The following LCP2 variants were observed in gnomAD, a reference collection of about 807,000 sequenced individuals.
LCP2 encodes lymphocyte cytosolic protein 2, also known as 76 kDa tyrosine phosphoprotein.
Under a neutral mutation model 74.5 loss-of-function variants are expected in LCP2, and 29 were observed. The ratio of observed to expected loss-of-function variants is 0.39; its 90% confidence interval spans 0.29 to 0.53. LCP2 has a LOEUF of 0.53. LCP2 is among the 20% of genes least tolerant of loss of function. The pLI is 0.72. For synonymous variants in LCP2, 228 were observed against 229.5 expected (o/e 0.99, Z 0.06); for missense variants, 604 against 634.6 (o/e 0.95, Z 0.52).
At chr5:170,294,379 G>A (rs942046437) in intron 1 of LCP2, among the ~76,000 whole-genome samples, 4 of 152,258 alleles carry the variant, frequency 2.6e-5, no homozygotes, top group Admixed American at 6.5e-5. Context: ...TAAGATCTTG[G>A]TTATTTTCCT....
chr5:170,263,114 T>C (rs1319933841), intron 10 of LCP2, 122 bp from the exon 11 acceptor site: 2 of 1,176,734 alleles, frequency 1.7e-6, no homozygotes, highest in Admixed American at 2.5e-5. Context: ...GTTTAAGCAT[T>C]AAAGAATCAG....
At chr5:170,283,684 G>A (rs557830456) in intron 3 of LCP2, among the ~76,000 whole-genome samples, 111 of 152,140 alleles carry the variant, frequency 7.3e-4, no homozygotes, top group African/African-American at 2.6e-3. Context: ...TAAATTGAGG[G>A]ACACACCCCA....
intron 17 of LCP2, among the ~76,000 whole-genome samples, chr5:170,255,424 G>A (rs1184645312): frequency 6.6e-6 from 1 of 152,118 alleles, no homozygotes; most frequent in Admixed American, 6.5e-5. Context: ...CACTGCATGT[G>A]GAACATGACT....
intron 3 of LCP2, among the ~76,000 whole-genome samples, chr5:170,279,351 A>G (rs1165339382): frequency 6.6e-6 from 1 of 152,176 alleles, no homozygotes; most frequent in South Asian, 2.1e-4. Context: ...CTGGTAATGT[A>G]CAAGGTACAG....
intron 1 of LCP2, among the ~76,000 whole-genome samples, chr5:170,294,880 C>T (rs1762347468): frequency 6.6e-6 from 1 of 152,218 alleles, no homozygotes; most frequent in African/African-American, 2.4e-5. Flanking sequence ...AGCAGAGAGT[C>T]CTGCAGACTG....
rs1561971781 is a variant in LCP2 at position 170,270,551 on chromosome 5, G to T, written c.523+168C>A. On this transcript the variant is annotated intron_variant, in intron 7 of 20. Transcript: ENST00000046794. The stretch of plus-strand genomic sequence containing the variant: ...ACAGATGAGGAAATTGAGGCCCAGA[G>T]AGACAGAGTTACTTGTACAAAGCCA... The T allele has an allele frequency of 8.7e-6, 5 of 572,156 alleles. No homozygotes were observed. In the Admixed American group the frequency reaches 1.1e-4, roughly 13 times the overall value. The allele number at this position is 572,156 out of a possible 1,614,324, so 35.4% of individuals were successfully genotyped here.
At chr5:170,263,024 G>A in intron 10 of LCP2, 32 bp from the exon 11 acceptor site, 1 of 1,612,128 alleles carries the variant, frequency 6.2e-7, no homozygotes, top group Non-Finnish European at 8.5e-7. Flanking sequence ...TGGGCCATGA[G>A]TTCAGAACTT....
At chr5:170,266,243 T>C (rs1761754825) in intron 10 of LCP2, among the ~76,000 whole-genome samples, 1 of 152,220 alleles carries the variant, frequency 6.6e-6, no homozygotes, top group Admixed American at 6.5e-5. Context: ...ATACCCAATG[T>C]TTGGTCAATT....
At chr5:170,268,735 A>G (rs927656774) in intron 7 of LCP2, among the ~76,000 whole-genome samples, 1 of 151,932 alleles carries the variant, frequency 6.6e-6, no homozygotes, top group Non-Finnish European at 1.5e-5. Flanking sequence ...ATAGGTATTT[A>G]TCAGAGATTT....
rs147463156 is a variant in LCP2 at position 170,277,701 on chromosome 5, G to A, written c.189-1841C>T. 5.7e-4 allele frequency among the ~76,000 whole-genome samples: 80 copies of A among 139,414 alleles called. 1 individual carries two copies. Among genetic ancestry groups the A allele is most frequent in the Admixed American group, 1.9e-3 (24 of 12,480 alleles). 91.5% of individuals were successfully genotyped at this position (139,414 alleles called of 152,430 possible). The stretch of plus-strand genomic sequence containing the variant: ...AGAGGTTGCAGTGAGCTGAGATCAC[G>A]CCACTGCACTCCAGCCTGGGGACAG... On this transcript the variant is annotated intron_variant, in intron 3 of 20. Transcript: ENST00000046794.
chr5:170,286,139 C>T (rs1246933978), intron 3 of LCP2, among the ~76,000 whole-genome samples: 4 of 152,154 alleles, frequency 2.6e-5, no homozygotes, highest in Non-Finnish European at 5.9e-5. Flanking sequence ...GCCAAAGTTC[C>T]CATGATATAA....
intron 10 of LCP2, among the ~76,000 whole-genome samples, chr5:170,263,591 A>G (rs536679114): frequency 6.0e-4 from 91 of 152,174 alleles, no homozygotes; most frequent in African/African-American, 1.9e-3. Context: ...TCTAGAACGG[A>G]TGATATTCAG....
At chr5:170,292,797 A>G (rs1197990421) in intron 2 of LCP2, among the ~76,000 whole-genome samples, 2 of 152,226 alleles carry the variant, frequency 1.3e-5, no homozygotes, top group Admixed American at 6.5e-5. Flanking sequence ...TCTTTAATAC[A>G]TACCTGCACC....
At chr5:170,265,019 G>T (rs530526272) in intron 10 of LCP2, among the ~76,000 whole-genome samples, 7 of 125,130 alleles carry the variant, frequency 5.6e-5, no homozygotes, top group Non-Finnish European at 1.1e-4. Flanking sequence ...ACAGAGTCTC[G>T]CTCTGTCGCC....
chr5:170,261,792 A>C (rs945576978), intron 13 of LCP2, among the ~76,000 whole-genome samples: 1 of 152,160 alleles, frequency 6.6e-6, no homozygotes, highest in Non-Finnish European at 1.5e-5. Flanking sequence ...CTCTCTGGGG[A>C]GAAGGGGAAG....
In LCP2 at chr5:170,247,692, G is replaced by A. The variant is rs975426110; in HGVS notation, c.*1005C>T. 1 of 152,218 alleles carries A rather than the reference G, an allele frequency of 6.6e-6. No individual in the cohort carries two copies. Among genetic ancestry groups the A allele is most frequent in the Non-Finnish European group, 1.5e-5 (1 of 68,054 alleles). The allele number at this position is 152,218 out of a possible 1,614,324, so 9.4% of individuals were successfully genotyped here. ...CTTATACAGCCTGTTTGGGAAGGAT[G>A]AGGAGAAGGGACTTTATGGCAGAGC... On this transcript the variant is annotated 3_prime_UTR_variant, in exon 21 of 21. Transcript: ENST00000046794.
chr5:170,279,490 C>G (rs981177368), intron 3 of LCP2, among the ~76,000 whole-genome samples: 1 of 152,192 alleles, frequency 6.6e-6, no homozygotes, highest in Non-Finnish European at 1.5e-5. Flanking sequence ...AGGGGTTAAA[C>G]CTGATTAGGG....
chr5:170,267,683 C>T (rs1761794015), intron 8 of LCP2, among the ~76,000 whole-genome samples: 1 of 151,826 alleles, frequency 6.6e-6, no homozygotes, highest in African/African-American at 2.4e-5. Context: ...TGATAACTAG[C>T]CCTAGTTGAG....
At chr5:170,281,217 T>G (rs182373824) in intron 3 of LCP2, among the ~76,000 whole-genome samples, 13 of 152,078 alleles carry the variant, frequency 8.5e-5, no homozygotes, top group Non-Finnish European at 1.5e-4. Context: ...AATTAGCCAC[T>G]GAATGGGACA....
Sources: allele counts gnomAD v4.1 joint callset (sites outside exome capture counted in the v4.1 genomes callset), GRCh38; gene constraint gnomAD v4.1.1; transcripts MANE v1.5; gene names NCBI Gene and HGNC (gene_info 2026-07-23, HGNC 2026-07-21).